The following EIF4G3 variants were observed in gnomAD, a reference collection of about 807,000 sequenced individuals.
EIF4G3 encodes eukaryotic translation initiation factor 4 gamma 3, also known as eIF-4-gamma 3.
In EIF4G3, 34 loss-of-function variants were observed where a neutral mutation model predicts 186.4. That is an observed-to-expected ratio of 0.18 (90% CI 0.14 to 0.24). EIF4G3 has a LOEUF of 0.24. Ranked by LOEUF, EIF4G3 falls within the 10% of genes least tolerant of loss-of-function variation. The probability of loss-of-function intolerance (pLI) is 1.00; values close to 1 mark genes in which losing one functional copy is unlikely to be tolerated. For missense variants in EIF4G3, 1,536 were observed against 1,948.5 expected (o/e 0.79, Z 3.99); for synonymous variants, 673 against 679.5 (o/e 0.99, Z 0.15).
chr1:20,818,169 C>G (rs1231393587), intron 33 of EIF4G3, among the ~76,000 whole-genome samples: 2 of 151,886 alleles, frequency 1.3e-5, no homozygotes, highest in Non-Finnish European at 2.9e-5. Flanking sequence ...GGATAGGAGC[C>G]CTAGAAAAGG....
rs1308604948 is a variant in EIF4G3 at position 20,895,473 on chromosome 1, A to G, written c.2028T>C (p.Gly676=). The G allele has an allele frequency of 1.2e-6, 2 of 1,614,082 alleles. No individual in the cohort carries two copies. The highest frequency in any genetic ancestry group is 1.7e-6 in the Non-Finnish European group (2 of 1,179,956). ...GAAACTCCCTGTCATACTGCTTCTTACCTTCAGTATCAGTAGGCTTCCAGG... is the reference window on the plus strand; with the variant it reads ...GAAACTCCCTGTCATACTGCTTCTTGCCTTCAGTATCAGTAGGCTTCCAGG... ...PESWKPTDTE[G]KKQYDREFLL... Residue 676 remains glycine, a synonymous_variant, in exon 17 of 37, where the codon GGT becomes GGC. Coordinates refer to ENST00000602326, the MANE Select transcript of EIF4G3 (RefSeq NM_001391906.1).
At chr1:20,947,496 G>A (rs1357049729) in intron 13 of EIF4G3, among the ~76,000 whole-genome samples, 2 of 151,138 alleles carry the variant, frequency 1.3e-5, no homozygotes, top group African/African-American at 2.4e-5. Flanking sequence ...GGCAGGCTAT[G>A]GAAGAAATTA....
At chr1:20,917,300 A>G (rs897285762) in intron 14 of EIF4G3, among the ~76,000 whole-genome samples, 8 of 152,242 alleles carry the variant, frequency 5.3e-5, no homozygotes, top group Non-Finnish European at 1.2e-4. Flanking sequence ...GTTTGAGATC[A>G]GCCTGGGCAA....
intron 4 of EIF4G3, among the ~76,000 whole-genome samples, chr1:21,013,750 A>G (rs577930123): frequency 6.6e-6 from 1 of 152,328 alleles, no homozygotes; most frequent in East Asian, 1.9e-4. Flanking sequence ...CAAACACAGA[A>G]AAGGTCAACA....
At chr1:20,823,647 T>C (rs1443312757) in intron 33 of EIF4G3, among the ~76,000 whole-genome samples, 1 of 152,158 alleles carries the variant, frequency 6.6e-6, no homozygotes, top group East Asian at 1.9e-4. Flanking sequence ...AGTGCTAGGA[T>C]TATAGGCATG....
intron 6 of EIF4G3, among the ~76,000 whole-genome samples, chr1:20,998,233 AC>A (rs1296045766): frequency 2.0e-5 from 3 of 151,676 alleles, no homozygotes; most frequent in Non-Finnish European, 4.4e-5. Context: ...ACACACACAC[AC>A]ACACACACAC....
At chr1:21,075,878 T>A (rs2095575221) in intron 3 of EIF4G3, among the ~76,000 whole-genome samples, 2 of 152,144 alleles carry the variant, frequency 1.3e-5, no homozygotes, top group Non-Finnish European at 2.9e-5. Flanking sequence ...AATAAAATAA[T>A]AGTTGGGGAC....
intron 14 of EIF4G3, among the ~76,000 whole-genome samples, chr1:20,925,299 G>A (rs2094807882): frequency 6.6e-6 from 1 of 152,154 alleles, no homozygotes; most frequent in East Asian, 1.9e-4. Flanking sequence ...TCATGTCAAA[G>A]GGAGGTTTTC....
intron 4 of EIF4G3, among the ~76,000 whole-genome samples, chr1:21,006,635 A>C (rs1172825174): frequency 6.6e-6 from 1 of 152,226 alleles, no homozygotes; most frequent in East Asian, 1.9e-4. Flanking sequence ...AATGTTACTG[A>C]AGAAAAGCCA....
At chr1:20,969,713 A>AT in intron 11 of EIF4G3, 117 bp from the exon 12 acceptor site, 1 of 925,370 alleles carries the variant, frequency 1.1e-6, no homozygotes, top group Non-Finnish European at 1.6e-6. Context: ...AAAGGTGATA[A>AT]TCACCACATT....
intron 4 of EIF4G3, among the ~76,000 whole-genome samples, chr1:21,030,977 G>A (rs1230570852): frequency 6.6e-6 from 1 of 152,124 alleles, no homozygotes; most frequent in African/African-American, 2.4e-5. Context: ...CTTGAGGTCA[G>A]GAGTTCAAGA....
At chr1:21,054,050 T>C (rs889413998) in intron 3 of EIF4G3, among the ~76,000 whole-genome samples, 3 of 152,056 alleles carry the variant, frequency 2.0e-5, no homozygotes, top group South Asian at 2.1e-4. Context: ...GGGGAAAAGA[T>C]TGAGAAATCG....
At chr1:20,930,743 C>T (rs1266543177) in intron 14 of EIF4G3, among the ~76,000 whole-genome samples, 1 of 152,180 alleles carries the variant, frequency 6.6e-6, no homozygotes, top group African/African-American at 2.4e-5. Flanking sequence ...TCCATCACAT[C>T]TGCACTTACT....
At chr1:21,051,826 T>C (rs1020305771) in intron 3 of EIF4G3, among the ~76,000 whole-genome samples, 1 of 152,194 alleles carries the variant, frequency 6.6e-6, no homozygotes, top group Admixed American at 6.5e-5. Flanking sequence ...ATCACACCAC[T>C]GTACTACAAC....
intron 2 of EIF4G3, among the ~76,000 whole-genome samples, chr1:21,113,272 CTTG>C (rs2096759534): frequency 1.4e-5 from 2 of 146,682 alleles, no homozygotes; most frequent in East Asian, 2.1e-4. Flanking sequence ...CAGCTGAATT[CTTG>C]TTTTCTTTTT....
At chr1:20,927,379 C>G (rs575419286) in intron 14 of EIF4G3, among the ~76,000 whole-genome samples, 3 of 152,294 alleles carry the variant, frequency 2.0e-5, no homozygotes, top group Admixed American at 1.3e-4. Flanking sequence ...AATCTGGGAG[C>G]CTGGATCTTG....
At chr1:20,939,114 A>AT (rs201807194) in intron 14 of EIF4G3, among the ~76,000 whole-genome samples, 4,025 of 61,322 alleles carry the variant, frequency 0.066, 161 homozygotes, top group African/African-American at 0.15. Flanking sequence ...CTTAAAAAAA[A>AT]TTAAAAAAAA....
chr1:20,856,864 T>C (rs1571737749), intron 25 of EIF4G3, among the ~76,000 whole-genome samples: 1 of 152,084 alleles, frequency 6.6e-6, no homozygotes, highest in East Asian at 1.9e-4. Context: ...AGTAAATCCT[T>C]ATAGAAGTAG....
chr1:20,861,656 G>T (rs1436643857), intron 23 of EIF4G3, among the ~76,000 whole-genome samples: 1 of 152,210 alleles, frequency 6.6e-6, no homozygotes, highest in African/African-American at 2.4e-5. Flanking sequence ...TTTGAATGGA[G>T]TTTGAATTCA....
Sources: allele counts gnomAD v4.1 joint callset (sites outside exome capture counted in the v4.1 genomes callset), GRCh38; gene constraint gnomAD v4.1.1; transcripts MANE v1.5; gene names NCBI Gene and HGNC (gene_info 2026-07-23, HGNC 2026-07-21).